Variants in SLC14A2 observed in about 807,000 individuals in gnomAD.
SLC14A2 encodes the protein urea transporter 2.
In SLC14A2, 91 loss-of-function variants were observed where a neutral mutation model predicts 104.6. The ratio of observed to expected loss-of-function variants is 0.87; its 90% CI spans 0.73 to 1.04. The LOEUF is 1.04. Among genes scored for constraint, SLC14A2 ranks in the 50% least tolerant of loss-of-function variants. The pLI, the probability that SLC14A2 is intolerant of heterozygous loss-of-function variation, is 0.00. For missense variants in SLC14A2, 1,189 were observed against 1,156.0 expected, an observed-to-expected ratio of 1.03 and a Z score of -0.41; for synonymous variants, 476 against 466.4, an observed-to-expected ratio of 1.02 and a Z score of -0.27.
At chr18:45,291,113 C>T (rs12958585) in intron 1 of SLC14A2, among the ~76,000 whole-genome samples, 93 of 152,254 alleles carry the variant, frequency 6.1e-4, no homozygotes, top group African/African-American at 1.5e-3. Flanking sequence ...TTCCTGCCTT[C>T]GAGTCACAAA....
chr18:45,600,274 C>T (rs532455605), intron 2 of SLC14A2, among the ~76,000 whole-genome samples: 2 of 152,200 alleles, frequency 1.3e-5, no homozygotes, highest in African/African-American at 4.8e-5. Context: ...GCTTGGGACA[C>T]AAAAATACTT....
At chr18:45,369,699 G>A (rs376245829) in intron 1 of SLC14A2, among the ~76,000 whole-genome samples, 6 of 152,092 alleles carry the variant, frequency 3.9e-5, no homozygotes, top group South Asian at 2.1e-4. Flanking sequence ...CATATTTTAC[G>A]TATGAACTTG....
At chr18:45,296,718 G>C (rs954316255) in intron 1 of SLC14A2, among the ~76,000 whole-genome samples, 5 of 152,176 alleles carry the variant, frequency 3.3e-5, no homozygotes, top group African/African-American at 1.2e-4. Context: ...TGTTTTCAGG[G>C]AAAGTGATGG....
Position 45,370,326 on chromosome 18 carries a change from C to A in SLC14A2, c.-124-112907C>A, listed in dbSNP as rs147274792. Among the ~76,000 whole-genome samples the A allele has an allele frequency of 5.3e-3, 805 of 152,242 alleles. 6 individuals carry two copies. The highest frequency in any genetic ancestry group is 0.018 in the African/African-American group (761 of 41,550). On this transcript the variant is annotated intron_variant, in intron 1 of 20. Coordinates refer to the SLC14A2 transcript ENST00000586448. ...AGCCACAAGGGAAGATTCAGGCAGG[C>A]CTCCGGAATGAGGGCTGGTGAAGAA...
At chr18:45,677,041 C>T (rs1220039734) in intron 18 of SLC14A2, among the ~76,000 whole-genome samples, 3 of 152,126 alleles carry the variant, frequency 2.0e-5, no homozygotes, top group Non-Finnish European at 4.4e-5. Flanking sequence ...TTCCTTCCAC[C>T]ACTGCCTGCT....
intron 18 of SLC14A2, among the ~76,000 whole-genome samples, chr18:45,676,071 C>T (rs2046225432): frequency 6.6e-6 from 1 of 152,182 alleles, no homozygotes; most frequent in African/African-American, 2.4e-5. Flanking sequence ...TAAGTTCCTT[C>T]CTTCCATAAA....
At chr18:45,611,809 G>C (rs926098361), upstream of SLC14A2, among the ~76,000 whole-genome samples, 2 of 152,192 alleles carry the variant, frequency 1.3e-5, no homozygotes, top group Non-Finnish European at 1.5e-5. Flanking sequence ...TGCAAAACAA[G>C]AAGAAGAGCA....
intron 1 of SLC14A2, among the ~76,000 whole-genome samples, chr18:45,363,928 T>C (rs577799461): frequency 3.3e-5 from 5 of 152,276 alleles, no homozygotes; most frequent in African/African-American, 1.2e-4. Flanking sequence ...CCCCTTGACC[T>C]GGGCCTCCTG....
intron 2 of SLC14A2, among the ~76,000 whole-genome samples, chr18:45,599,372 C>T (rs2044756848): frequency 6.6e-6 from 1 of 152,198 alleles, no homozygotes; most frequent in Non-Finnish European, 1.5e-5. Flanking sequence ...ATGACAATCC[C>T]CCTTGCTCTT....
chr18:45,172,442 C>G, the SLC14A2 span, among the ~76,000 whole-genome samples: 1 of 152,162 alleles, frequency 6.6e-6, no homozygotes, highest in African/African-American at 2.4e-5. Flanking sequence ...TTGGTGGTAA[C>G]TGAACACTTT....
chr18:45,567,034 T>A (rs765299697), intron 2 of SLC14A2, among the ~76,000 whole-genome samples: 1 of 151,604 alleles, frequency 6.6e-6, no homozygotes, highest in African/African-American at 2.4e-5. Context: ...CCTCATTCTA[T>A]AGCTGAGGAC....
intron 1 of SLC14A2, among the ~76,000 whole-genome samples, chr18:45,433,544 A>G (rs2086550691): frequency 6.6e-6 from 1 of 152,196 alleles, no homozygotes; most frequent in African/African-American, 2.4e-5. Flanking sequence ...ACCTTATTCT[A>G]TCACACTTCT....
chr18:45,296,554 G>C (rs776075237), intron 1 of SLC14A2, among the ~76,000 whole-genome samples: 2 of 152,090 alleles, frequency 1.3e-5, no homozygotes, highest in African/African-American at 2.4e-5. Flanking sequence ...CCATCTTCCC[G>C]GTGACCACCT....
At chr18:45,519,825 T>G (rs1015273650) in intron 2 of SLC14A2, among the ~76,000 whole-genome samples, 1 of 152,118 alleles carries the variant, frequency 6.6e-6, no homozygotes, top group African/African-American at 2.4e-5. Context: ...CTTTGTGAGA[T>G]CGCTCTGGGT....
rs898240822 is a variant in SLC14A2 at position 45,402,684 on chromosome 18, A to C, written c.-124-80549A>C. 2.0e-5 allele frequency among the ~76,000 whole-genome samples: 3 copies of C among 152,148 alleles called. No homozygotes were observed. In the East Asian group the frequency reaches 5.8e-4, roughly 29 times the overall value. Reference sequence around the variant, plus strand: ...GATTTAGCCACTCCCCTCCACCCCAACCCCACCTGCCATTTTGGTTTATAA... The same window carrying C: ...GATTTAGCCACTCCCCTCCACCCCACCCCCACCTGCCATTTTGGTTTATAA... On this transcript the variant is annotated intron_variant, in intron 1 of 20. Coordinates refer to the SLC14A2 transcript ENST00000586448.
chr18:45,221,302 T>C (rs2084059759), intron 1 of SLC14A2, among the ~76,000 whole-genome samples: 2 of 152,200 alleles, frequency 1.3e-5, no homozygotes, highest in Non-Finnish European at 2.9e-5. Flanking sequence ...TTCTAGCACC[T>C]CTAGCCTCAC....
intron 1 of SLC14A2, among the ~76,000 whole-genome samples, chr18:45,327,733 G>A (rs537006783): frequency 3.5e-4 from 53 of 152,260 alleles, no homozygotes; most frequent in African/African-American, 1.2e-3. Context: ...TTTTGAGGCC[G>A]AAAACATTTT....
intron 2 of SLC14A2, chr18:45,493,223 A>G (rs2144734419): frequency 6.6e-6 from 1 of 152,344 alleles, no homozygotes; most frequent in Admixed American, 6.5e-5. Context: ...CAGACCTTAC[A>G]CCATCTGGCC....
chr18:45,517,145 C>A (rs945425873), intron 2 of SLC14A2, among the ~76,000 whole-genome samples: 3 of 152,140 alleles, frequency 2.0e-5, no homozygotes, highest in African/African-American at 7.2e-5. Context: ...GGGCTCAGGG[C>A]CCACCTCCAT....
Sources: gnomAD v4.1 joint callset for allele counts (sites outside exome capture counted in the v4.1 genomes callset) on GRCh38, gnomAD v4.1.1 for gene constraint, MANE v1.5 for transcripts, NCBI Gene and HGNC (gene_info 2026-07-23, HGNC 2026-07-21) for gene names.